The following GABRA4 variants were observed in gnomAD, a reference collection of about 807,000 sequenced individuals.
GABRA4 encodes the protein gamma-aminobutyric acid receptor subunit alpha-4.
Under a neutral mutation model 49.7 loss-of-function variants are expected in GABRA4, and 12 were observed. The observed-to-expected ratio is 0.24, with a 90% CI of 0.15 to 0.39. The LOEUF (loss-of-function observed/expected upper bound fraction) is 0.39. Ranked by LOEUF, GABRA4 falls within the 10% of genes least tolerant of loss-of-function variation. GABRA4 has a pLI of 1.00. For synonymous variants in GABRA4, 288 were observed against 240.2 expected, an observed-to-expected ratio of 1.20 and a Z score of -1.84; for missense variants, 506 against 686.0, an observed-to-expected ratio of 0.74 and a Z score of 2.93.
rs1207276186 is a variant in GABRA4 at position 46,921,747 on chromosome 4, C to T, written c.*6478G>A. The T allele has an allele frequency of 1.3e-5, 2 of 151,968 alleles. No homozygotes were observed. Among genetic ancestry groups the T allele is most frequent in the African/African-American group, 4.8e-5 (2 of 41,390 alleles). 9.4% of individuals were successfully genotyped at this position (151,968 alleles called of 1,614,324 possible). ...GTGAAATAAAAATATTTATAATTCA[C>T]TCCCCACCTAAGACAGTCTCCAAAA... On this transcript the variant is annotated 3_prime_UTR_variant, in exon 9 of 9. Coordinates refer to ENST00000264318, the MANE Select transcript of GABRA4 (RefSeq NM_000809.4).
At chr4:46,958,568 A>G (rs1577769673) in intron 8 of GABRA4, among the ~76,000 whole-genome samples, 1 of 151,982 alleles carries the variant, frequency 6.6e-6, no homozygotes, top group African/African-American at 2.4e-5. Context: ...AAAGAACCAC[A>G]AGAATGAGAC....
At position 46,921,871 on chromosome 4, in the gene GABRA4, C is replaced by T. The variant is rs924498882; in HGVS notation, c.*6354G>A. On this transcript the variant is annotated 3_prime_UTR_variant, in exon 9 of 9. Transcript: ENST00000264318. ...TAGTCAGCAGCTTTTAAGTAGGTAG[C>T]CATTTGCACTAATAGGAGAAAGGAA... 6.6e-6 allele frequency: 1 copy of T among 151,972 alleles called. No homozygotes were observed. Among genetic ancestry groups the T allele is most frequent in the Non-Finnish European group, 1.5e-5 (1 of 67,992 alleles). 9.4% of individuals were successfully genotyped at this position (151,972 alleles called of 1,614,324 possible).
intron 5 of GABRA4, among the ~76,000 whole-genome samples, chr4:46,976,354 CAAAAAAAA>C (rs71193888): frequency 1.7e-4 from 9 of 51,762 alleles, no homozygotes; most frequent in African/African-American, 5.5e-4. Flanking sequence ...CACCCATTCT[CAAAAAAAA>C]AAAAAAAAAA....
At chr4:46,972,373 T>A (rs1722979831) in intron 6 of GABRA4, among the ~76,000 whole-genome samples, 1 of 151,682 alleles carries the variant, frequency 6.6e-6, no homozygotes, top group Non-Finnish European at 1.5e-5. Context: ...CAAAGACTTA[T>A]GTATTAATTT....
At chr4:46,972,578 C>T (rs1379383589) in intron 6 of GABRA4, among the ~76,000 whole-genome samples, 1 of 151,500 alleles carries the variant, frequency 6.6e-6, no homozygotes, top group Admixed American at 6.6e-5. Flanking sequence ...CAAAAGTTCC[C>T]TCCTTCTTAT....
In GABRA4 at chr4:46,922,049, A is replaced by C. The variant is rs1721052979; in HGVS notation, c.*6176T>G. On this transcript the variant is annotated 3_prime_UTR_variant, in exon 9 of 9. Transcript: ENST00000264318. ...AAATCTGTCTTCATACGATTTTACT[A>C]TATACTTCCGAATAGTGGAATGTAG... 6.6e-6 allele frequency: 1 copy of C among 152,156 alleles called. No individual in the cohort carries two copies. Among genetic ancestry groups the C allele is most frequent in the Admixed American group, 6.6e-5 (1 of 15,266 alleles). 9.4% of individuals were successfully genotyped at this position (152,156 alleles called of 1,614,324 possible).
rs1170702052 is a variant in GABRA4, at chr4:46,923,003, G to A, written c.*5222C>T. On this transcript the variant is annotated 3_prime_UTR_variant, in exon 9 of 9. Transcript: ENST00000264318. ...TTAGCGGCGGCATTAGATTCTCATA[G>A]GAGGGCATGCAAGGTTGTCCGCTCC... 1.1e-4 allele frequency: 16 copies of A among 152,182 alleles called. No homozygotes were observed. Among genetic ancestry groups the A allele is most frequent in the Non-Finnish European group, 1.0e-4 (7 of 68,032 alleles). 9.4% of individuals were successfully genotyped at this position (152,182 alleles called of 1,614,324 possible).
chr4:46,977,696 G>C (rs886659692), intron 3 of GABRA4, 66 bp from the exon 4 acceptor site: 82 of 1,073,616 alleles, frequency 7.6e-5, no homozygotes, highest in Non-Finnish European at 1.0e-4. Context: ...TGAAAATAAT[G>C]CATTAAATTC....
chr4:46,935,263 T>G (rs1162577418), intron 8 of GABRA4, among the ~76,000 whole-genome samples: 1 of 152,194 alleles, frequency 6.6e-6, no homozygotes, highest in East Asian at 1.9e-4. Flanking sequence ...TTACTAGCTA[T>G]GAGATATTCA....
intron 8 of GABRA4, among the ~76,000 whole-genome samples, chr4:46,957,416 T>G (rs1255466680): frequency 1.3e-5 from 2 of 151,980 alleles, no homozygotes; most frequent in African/African-American, 2.4e-5. Flanking sequence ...CTATGGACTT[T>G]AAAATTGAAA....
At chr4:46,984,869 AAT>A (rs1225771667) in intron 2 of GABRA4, among the ~76,000 whole-genome samples, 1 of 151,944 alleles carries the variant, frequency 6.6e-6, no homozygotes. Context: ...CATCATGAAA[AAT>A]AGTTTGGCAT....
intron 8 of GABRA4, among the ~76,000 whole-genome samples, chr4:46,940,170 C>T (rs760147693): frequency 2.6e-5 from 4 of 152,034 alleles, no homozygotes; most frequent in African/African-American, 4.8e-5. Flanking sequence ...AATCTATTCC[C>T]TATCTTTCTT....
At chr4:46,930,692 A>G (rs1721397074) in intron 8 of GABRA4, among the ~76,000 whole-genome samples, 1 of 151,858 alleles carries the variant, frequency 6.6e-6, no homozygotes, top group African/African-American at 2.4e-5. Flanking sequence ...TCAGTCAGTT[A>G]GGTTGTCCAT....
Position 46,992,817 on chromosome 4 carries a change from A to G in GABRA4, c.205+11T>C. 6.2e-7 allele frequency: 1 copy of G among 1,600,010 alleles called. No individual in the cohort carries two copies. The highest frequency in any genetic ancestry group is 8.6e-7 in the Non-Finnish European group (1 of 1,167,140). ...GACAGGACACACTTGCGCGTTTGAA[A>G]TCGTTCATACCCCCAAATCCAGGAC... On this transcript the variant is annotated intron_variant, in intron 2 of 8. Transcript: ENST00000264318.
Position 46,964,995 on chromosome 4 carries a change from T to C in GABRA4, c.1109A>G (p.Glu370Gly). 1 of 1,608,670 alleles carries C rather than the reference T, an allele frequency of 6.2e-7. No individual in the cohort carries two copies. The highest frequency in any genetic ancestry group is 8.5e-7 in the Non-Finnish European group (1 of 1,177,040). The change falls in exon 8 of 9, where the codon GAG becomes GGG. Residue 370 changes from glutamate (E) to glycine (G), a missense_variant. By Grantham distance (98) the Glu-to-Gly change is moderately conservative. This residue lies in a region of GABRA4 where 243 missense variants were observed against 210.8 expected (regional missense o/e 1.15). Coordinates refer to ENST00000264318, the MANE Select transcript of GABRA4 (RefSeq NM_000809.4). ...QEVPAAPVQR[E>G]KHPEAPLQNT... ...CTGCAGAGGGGCTTCAGGATGCTTC[T>C]CTCTCTGCACTGGAGCAGCGGGAAC...
chr4:46,928,022 TA>T lies in GABRA4; in HGVS notation c.*202del. 2.0e-6 allele frequency: 1 copy of T among 494,280 alleles called. No individual in the cohort carries two copies. Among genetic ancestry groups the T allele is most frequent in the Middle Eastern group, 5.5e-4 (1 of 1,826 alleles). 30.6% of individuals were successfully genotyped at this position (494,280 alleles called of 1,614,324 possible). On this transcript the variant is annotated 3_prime_UTR_variant, in exon 9 of 9. Transcript: ENST00000264318. ...TATCTAACTGAATGCTGAGTTCTTT[TA>T]AAATAATTTTTCTGAAAAAAAACAT...
intron 1 of GABRA4, among the ~76,000 whole-genome samples, 155 bp from the exon 2 acceptor site, chr4:46,993,101 G>A (rs898774172): frequency 2.0e-5 from 3 of 152,142 alleles, no homozygotes; most frequent in Non-Finnish European, 2.9e-5. Context: ...GACAGAAATG[G>A]TCAGGAAAAG....
At chr4:46,987,987 C>A (rs954004964) in intron 2 of GABRA4, among the ~76,000 whole-genome samples, 1 of 152,120 alleles carries the variant, frequency 6.6e-6, no homozygotes, top group Non-Finnish European at 1.5e-5. Flanking sequence ...CCATGAGATT[C>A]TTCTTCTTGC....
chr4:46,954,850 AG>A (rs1242814662), intron 8 of GABRA4, among the ~76,000 whole-genome samples: 1 of 152,126 alleles, frequency 6.6e-6, no homozygotes, highest in Non-Finnish European at 1.5e-5. Context: ...CCAAACAGGC[AG>A]GGCTCAAATC....
Sources: gnomAD v4.1 joint callset for allele counts (sites outside exome capture counted in the v4.1 genomes callset) on GRCh38, gnomAD v4.1.1 for gene constraint, gnomAD v4.1.1 regional missense constraint, MANE v1.5 for transcripts, NCBI Gene and HGNC (gene_info 2026-07-23, HGNC 2026-07-21) for gene names.